The following TMEM170A variants were observed in gnomAD, a reference collection of about 807,000 sequenced individuals.
TMEM170A encodes the protein transmembrane protein 170A.
Under a neutral mutation model 12.8 loss-of-function variants are expected in TMEM170A, and 18 were observed. The ratio of observed to expected loss-of-function variants is 1.41; its 90% CI spans 0.97 to 2.09. The LOEUF (loss-of-function observed/expected upper bound fraction) is 2.09. Ranked by LOEUF, TMEM170A falls within the 30% of genes most tolerant of loss-of-function variation. The pLI is 0.00. For synonymous variants in TMEM170A, 107 were observed against 76.2 expected (o/e 1.40, Z -2.11); for missense variants, 220 against 179.9 (o/e 1.22, Z -1.28).
chr16:75,464,374 T>A, intron 1 of TMEM170A, 94 bp downstream of exon 1: 1 of 1,378,236 alleles, frequency 7.3e-7, no homozygotes, highest in Non-Finnish European at 9.4e-7. Flanking sequence ...GCCAGCAGGC[T>A]GCGCACCCGG....
At position 75,444,346 on chromosome 16, in the gene TMEM170A, C is replaced by G. The variant is rs1410179837; in HGVS notation, c.*3212G>C. 4 of 151,890 alleles carry G rather than the reference C, an allele frequency of 2.6e-5. No individual in the cohort carries two copies. The highest frequency in any genetic ancestry group is 5.9e-5 in the Non-Finnish European group (4 of 68,152). 9.4% of individuals were successfully genotyped at this position (151,890 alleles called of 1,614,324 possible). The stretch of plus-strand genomic sequence containing the variant: ...TGGTGGACGTCCGTAGTCCCAGCTA[C>G]TCGGGAGGCTGAGGCAGGAGAATGG... On this transcript the variant is annotated 3_prime_UTR_variant, in exon 3 of 3. Transcript: ENST00000561878.
At chr16:75,463,980 G>C (rs1438387125) in intron 1 of TMEM170A, among the ~76,000 whole-genome samples, 1 of 152,274 alleles carries the variant, frequency 6.6e-6, no homozygotes, top group Non-Finnish European at 1.5e-5. Flanking sequence ...CCCGCGATCA[G>C]CGAACGAGCG....
chr16:75,454,068 T>C (rs1008069071), intron 1 of TMEM170A, among the ~76,000 whole-genome samples: 1 of 152,212 alleles, frequency 6.6e-6, no homozygotes, highest in Non-Finnish European at 1.5e-5. Flanking sequence ...CAAGTGATTT[T>C]TGAGATCAGT....
intron 1 of TMEM170A, among the ~76,000 whole-genome samples, chr16:75,461,336 G>C (rs998143212): frequency 6.6e-6 from 1 of 152,196 alleles, no homozygotes; most frequent in Non-Finnish European, 1.5e-5. Context: ...TTACAGGCGT[G>C]AGCCACGGCA....
At chr16:75,457,234 C>T (rs961568600) in intron 1 of TMEM170A, among the ~76,000 whole-genome samples, 4 of 152,184 alleles carry the variant, frequency 2.6e-5, no homozygotes, top group Non-Finnish European at 5.9e-5. Context: ...TACCAGCTGC[C>T]ACAGAACCAC....
intron 2 of TMEM170A, 162 bp downstream of exon 2, chr16:75,451,507 A>G: frequency 1.4e-6 from 1 of 695,448 alleles, no homozygotes; most frequent in Non-Finnish European, 2.4e-6. Flanking sequence ...CAATATTGCA[A>G]CCACTGCACT....
At chr16:75,456,571 G>A (rs1368342591) in intron 1 of TMEM170A, among the ~76,000 whole-genome samples, 1 of 152,132 alleles carries the variant, frequency 6.6e-6, no homozygotes, top group African/African-American at 2.4e-5. Context: ...CAGGGTTTCA[G>A]CCCCCACCTC....
intron 1 of TMEM170A, among the ~76,000 whole-genome samples, chr16:75,461,876 G>A (rs540836732): frequency 3.9e-5 from 6 of 152,252 alleles, no homozygotes; most frequent in African/African-American, 1.2e-4. Flanking sequence ...TCAGAAAAAA[G>A]TTCTGAAAGT....
At chr16:75,460,000 C>T (rs2079874743) in intron 1 of TMEM170A, 1 of 152,766 alleles carries the variant, frequency 6.5e-6, no homozygotes, top group Non-Finnish European at 1.5e-5. Flanking sequence ...GTCCTCTCTA[C>T]TCCTCCCTAA....
At chr16:75,449,686 A>C (rs989533623) in intron 2 of TMEM170A, among the ~76,000 whole-genome samples, 12 of 152,190 alleles carry the variant, frequency 7.9e-5, no homozygotes, top group African/African-American at 2.9e-4. Flanking sequence ...ATATTAACCA[A>C]AGGTTGGCTG....
chr16:75,462,863 T>C (rs897880606), intron 1 of TMEM170A, among the ~76,000 whole-genome samples: 1 of 152,238 alleles, frequency 6.6e-6, no homozygotes, highest in Non-Finnish European at 1.5e-5. Flanking sequence ...TCTATGATGT[T>C]CAGTTTCTTG....
Position 75,464,497 on chromosome 16 carries a change from G to A in TMEM170A, c.104C>T (p.Pro35Leu), listed in dbSNP as rs1288603538. 2 of 1,577,396 alleles carry A rather than the reference G, an allele frequency of 1.3e-6. No individual in the cohort carries two copies. The highest frequency in any genetic ancestry group is 2.3e-5 in the South Asian group (2 of 87,058). ...VPRVGNGTLC[P>L]NSTSLCSFPE... ...GAAGGAGCAGAGGGAAGTAGAGTTG[G>A]GGCACAGGGTCCCGTTGCCCACCCG... is the stretch of plus-strand genomic sequence containing the variant. The change falls in exon 1 of 3, where the codon CCC becomes CTC. Residue 35 changes from proline to leucine, a missense_variant. Coordinates refer to ENST00000561878, the MANE Select transcript of TMEM170A (RefSeq NM_145254.3).
Position 75,464,660 on chromosome 16 carries a change from G to GCGCCGACTCACCCTCGC in TMEM170A, c.-77_-61dup. On this transcript the variant is annotated 5_prime_UTR_variant, in exon 1 of 3. Transcript: ENST00000561878. ...AGCGCCCGAAGTGCGGTAGCGGCCG[G>GCGCCGACTCACCCTCGC]CGCCGACTCACCCTCGCCGCCTCAG... 1.3e-6 allele frequency: 2 copies of GCGCCGACTCACCCTCGC among 1,533,678 alleles called. No individual in the cohort carries two copies. Among genetic ancestry groups the GCGCCGACTCACCCTCGC allele is most frequent in the Non-Finnish European group, 1.7e-6 (2 of 1,148,094 alleles).
chr16:75,453,333 C>G lies in TMEM170A; in HGVS notation c.134-1494G>C, dbSNP rs578144342. On this transcript the variant is annotated intron_variant, in intron 1 of 2. Coordinates refer to ENST00000561878, the MANE Select transcript of TMEM170A (RefSeq NM_145254.3). Reference sequence around the variant, plus strand: ...CCTGTAGTCCTAGCTACTCGAGAGGCTGAGGTGGGAGGATTGCTTGAGCCT... The same window carrying G: ...CCTGTAGTCCTAGCTACTCGAGAGGGTGAGGTGGGAGGATTGCTTGAGCCT... Among the ~76,000 whole-genome samples the G allele has an allele frequency of 4.1e-4, 63 of 152,238 alleles. No homozygotes were observed. The South Asian group carries it at 0.012, about 29-fold the overall frequency.
chr16:75,448,846 G>C (rs1362031756), intron 2 of TMEM170A, among the ~76,000 whole-genome samples: 1 of 151,780 alleles, frequency 6.6e-6, no homozygotes, highest in African/African-American at 2.4e-5. Context: ...AGGATCGCTT[G>C]AGCCCAGGAG....
chr16:75,460,557 A>C (rs1202661148), intron 1 of TMEM170A, among the ~76,000 whole-genome samples: 2 of 152,086 alleles, frequency 1.3e-5, no homozygotes, highest in African/African-American at 4.8e-5. Context: ...CTTTCTTCAG[A>C]TTTTGACTCC....
intron 1 of TMEM170A, 172 bp downstream of exon 1, chr16:75,464,293 CGAA>C: frequency 6.7e-7 from 1 of 1,483,220 alleles, no homozygotes; most frequent in Non-Finnish European, 8.9e-7. Context: ...CAGGGACCGC[CGAA>C]GAAGTGATGG....
intron 1 of TMEM170A, among the ~76,000 whole-genome samples, chr16:75,463,345 G>GAATTC (rs201788379): frequency 0.037 from 5,588 of 152,004 alleles, 157 homozygotes; most frequent in Non-Finnish European, 0.055. Flanking sequence ...AATAACGTGA[G>GAATTC]CTGCCAGATT....
intron 1 of TMEM170A, among the ~76,000 whole-genome samples, chr16:75,462,976 T>G (rs947444179): frequency 6.6e-6 from 1 of 152,182 alleles, no homozygotes; most frequent in African/African-American, 2.4e-5. Context: ...TCCTATTGAA[T>G]GACTCGAGTT....
Sources: allele counts gnomAD v4.1 joint callset (sites outside exome capture counted in the v4.1 genomes callset), GRCh38; gene constraint gnomAD v4.1.1; transcripts MANE v1.5; gene names NCBI Gene and HGNC (gene_info 2026-07-23, HGNC 2026-07-21).